CLN3: variants seen among roughly 807,000 people sequenced by gnomAD.
CLN3 encodes the protein battenin.
A neutral mutation model predicts 60.7 loss-of-function variants in CLN3; 49 were observed. The observed-to-expected ratio is 0.81, with a 90% CI of 0.64 to 1.02. The LOEUF is 1.02. Among genes scored for constraint, CLN3 ranks in the 50% least tolerant of loss-of-function variants. The pLI, the probability that CLN3 is intolerant of heterozygous loss-of-function variation, is 0.00. For synonymous variants in CLN3, 256 were observed against 245.8 expected, an observed-to-expected ratio of 1.04 and a Z score of -0.39; for missense variants, 516 against 557.4, an observed-to-expected ratio of 0.93 and a Z score of 0.75.
chr16:28,488,358 A>C, intron 5 of CLN3: 1 of 338,918 alleles, frequency 3.0e-6, no homozygotes, highest in Non-Finnish European at 5.2e-6. Context: ...TTTTTTCTTT[A>C]AGATGGGGGT....
chr16:28,472,902 G>A (rs1035368733), downstream of CLN3, among the ~76,000 whole-genome samples: 1 of 151,180 alleles, frequency 6.6e-6, no homozygotes, highest in Non-Finnish European at 1.5e-5. Context: ...CTCCCAAAGT[G>A]CTGGGATTAC....
At chr16:28,477,943 C>T (rs1596619993) in intron 14 of CLN3, 66 bp from the exon 15 acceptor site, 1 of 1,580,660 alleles carries the variant, frequency 6.3e-7, no homozygotes, top group Non-Finnish European at 8.6e-7. Context: ...GTGGCCTCCC[C>T]TCCAGGGGTC....
chr16:28,491,534 G>T lies in CLN3; in HGVS notation c.73C>A (p.Leu25Ile), dbSNP rs752737552. Residue 25 changes from leucine (L) to isoleucine (I), a missense_variant, in exon 3 of 16, where the codon CTC becomes ATC. Transcript: ENST00000636147. ...GCGCCCTGATGGTCCAACAGAGGGA[G>T]CCGGGGCTCCGGGACGGTCTCCTCC... ...EGEETVPEPR[L>I]PLLDHQGAHW... The T allele has an allele frequency of 4.3e-6, 7 of 1,613,936 alleles. No homozygotes were observed. Among genetic ancestry groups the T allele is most frequent in the Non-Finnish European group, 5.9e-6 (7 of 1,180,048 alleles).
chr16:28,471,920 C>G (rs1023625201), downstream of CLN3, among the ~76,000 whole-genome samples: 4 of 152,150 alleles, frequency 2.6e-5, no homozygotes, highest in Admixed American at 6.5e-5. Flanking sequence ...GTCCCAGATA[C>G]TTGGTAGGCT....
intron 3 of CLN3, among the ~76,000 whole-genome samples, chr16:28,490,791 C>A (rs547381284): frequency 6.6e-6 from 1 of 150,800 alleles, no homozygotes; most frequent in East Asian, 1.9e-4. Context: ...GGTTCAGGCC[C>A]GGCATGGTGG....
chr16:28,484,198 A>C, intron 9 of CLN3, 80 bp from the exon 10 acceptor site: 1 of 960,176 alleles, frequency 1.0e-6, no homozygotes, highest in South Asian at 1.4e-5. Context: ...CACTTTTCCC[A>C]GGGAACACCT....
chr16:28,478,004 A>C, intron 14 of CLN3, 127 bp from the exon 15 acceptor site: 1 of 1,092,978 alleles, frequency 9.1e-7, no homozygotes, highest in Non-Finnish European at 1.3e-6. Flanking sequence ...GTCTAGATAA[A>C]ATCTCAACAC....
In CLN3 at chr16:28,492,010, A is replaced by G. The variant is rs988466593; in HGVS notation, c.-77+10T>C. ...CGCCCCGTCTACAGCAGGGACCCTG[A>G]GGCCTGTACCTTTAAGAGCAGCAGA... On this transcript the variant is annotated intron_variant, in intron 1 of 15. Coordinates refer to ENST00000636147, the MANE Select transcript of CLN3 (RefSeq NM_001042432.2). 4 of 602,190 alleles carry G rather than the reference A, an allele frequency of 6.6e-6. No homozygotes were observed. The highest frequency in any genetic ancestry group is 1.2e-5 in the Non-Finnish European group (4 of 338,398). 37.3% of individuals were successfully genotyped at this position (602,190 alleles called of 1,614,324 possible). A position where few individuals can be genotyped will look rare whatever the true frequency, so the allele number is the denominator to read the frequency against.
At chr16:28,475,324 CA>C, downstream of CLN3, 1 of 152,332 alleles carries the variant, frequency 6.6e-6, no homozygotes, top group Non-Finnish European at 1.5e-5. Flanking sequence ...TAATGCAATG[CA>C]AAGGTGAGAG....
the CLN3 span, among the ~76,000 whole-genome samples, chr16:28,468,528 G>A: frequency 6.9e-6 from 1 of 144,682 alleles, no homozygotes; most frequent in African/African-American, 2.5e-5. Flanking sequence ...AACAAGGTGG[G>A]CCGGGTGTGG....
chr16:28,485,738 T>A (rs151301), intron 9 of CLN3, among the ~76,000 whole-genome samples: 46,371 of 145,476 alleles, frequency 0.32, 8,763 homozygotes, highest in Non-Finnish European at 0.41. Context: ...ACCCTCATCC[T>A]ACTTCTAATC....
downstream of CLN3, chr16:28,469,688 A>C (rs2045928999): frequency 1.9e-5 from 7 of 375,190 alleles, no homozygotes; most frequent in Non-Finnish European, 3.6e-5. Flanking sequence ...GTAAACTTAC[A>C]CTTAAGGTTA....
intron 9 of CLN3, among the ~76,000 whole-genome samples, chr16:28,485,636 T>C (rs1297408163): frequency 9.7e-6 from 1 of 103,532 alleles, no homozygotes; most frequent in African/African-American, 3.8e-5. Flanking sequence ...GCCCTGGCAC[T>C]CAGGCAGGCA....
At chr16:28,474,244 T>A (rs2045974058), downstream of CLN3, 1 of 151,598 alleles carries the variant, frequency 6.6e-6, no homozygotes, top group Non-Finnish European at 1.5e-5. Context: ...TCCAGCCTGG[T>A]GACAGAGCAG....
At chr16:28,481,977 ACT>A (rs1468714126) in intron 14 of CLN3, 126 bp downstream of exon 14, 32 of 656,282 alleles carry the variant, frequency 4.9e-5, no homozygotes, top group East Asian at 1.4e-4. Flanking sequence ...ACAGAGCGAG[ACT>A]CTGTCTCAAA....
intron 10 of CLN3, 126 bp from the exon 11 acceptor site, chr16:28,482,798 T>G: frequency 9.8e-7 from 1 of 1,017,522 alleles, no homozygotes; most frequent in Non-Finnish European, 1.5e-6. Flanking sequence ...GCCACTGGAT[T>G]GGACACTTAA....
At chr16:28,473,645 A>AAC (rs1449989075), downstream of CLN3, among the ~76,000 whole-genome samples, 3 of 152,214 alleles carry the variant, frequency 2.0e-5, no homozygotes, top group Non-Finnish European at 4.4e-5. Context: ...GTAAAAAGAC[A>AAC]ACACAGAATG....
intron 3 of CLN3, among the ~76,000 whole-genome samples, chr16:28,490,065 A>C (rs2046288641): frequency 6.6e-6 from 1 of 151,200 alleles, no homozygotes; most frequent in Admixed American, 6.6e-5. Context: ...CTCAAAAAAA[A>C]AAAAAAAAAA....
rs778372397 is a variant in CLN3 at position 28,482,622 on chromosome 16, G to A, written c.837+4C>T. On this transcript the variant is annotated splice_donor_region_variant and intron_variant, in intron 11 of 15. Transcript: ENST00000636147. Reference sequence around the variant, plus strand: ...CAGGGACATACCCCAGCCATCATCCGAACCTTGAACACTGTCCACCTTTCC... The same window carrying A: ...CAGGGACATACCCCAGCCATCATCCAAACCTTGAACACTGTCCACCTTTCC... 10 of 1,614,148 alleles carry A rather than the reference G, an allele frequency of 6.2e-6. No homozygotes were observed. Among genetic ancestry groups the A allele is most frequent in the Admixed American group, 1.7e-5 (1 of 60,016 alleles).
Sources: allele counts gnomAD v4.1 joint callset (sites outside exome capture counted in the v4.1 genomes callset), GRCh38; gene constraint gnomAD v4.1.1; transcripts MANE v1.5; gene names NCBI Gene and HGNC (gene_info 2026-07-23, HGNC 2026-07-21).